Variants in ROBO1 observed in about 807,000 individuals in gnomAD.
ROBO1 encodes roundabout homolog 1.
Under a neutral mutation model 195.9 loss-of-function variants are expected in ROBO1, and 149 were observed. That is an observed-to-expected ratio of 0.76 (90% CI 0.67 to 0.87). The LOEUF (loss-of-function observed/expected upper bound fraction) is 0.87. Ranked by LOEUF, ROBO1 falls within the 40% of genes least tolerant of loss-of-function variation. The pLI is 0.00. For missense variants in ROBO1, 1,933 were observed against 2,068.3 expected (o/e 0.93, Z 1.27); for synonymous variants, 816 against 733.2 (o/e 1.11, Z -1.82).
chr3:79,557,933 A>T (rs1942772422), intron 2 of ROBO1, among the ~76,000 whole-genome samples: 2 of 151,916 alleles, frequency 1.3e-5, no homozygotes, highest in African/African-American at 4.8e-5. Flanking sequence ...GAGCTCATAC[A>T]TTGAATCTAT....
chr3:79,087,244 T>C, intron 3 of ROBO1, among the ~76,000 whole-genome samples: 1 of 152,232 alleles, frequency 6.6e-6, no homozygotes, highest in Non-Finnish European at 1.5e-5. Flanking sequence ...TTTTCCTTAA[T>C]TTTAAGCATA....
At chr3:78,873,123 C>A (rs1251180798) in intron 4 of ROBO1, among the ~76,000 whole-genome samples, 2 of 152,020 alleles carry the variant, frequency 1.3e-5, no homozygotes, top group Non-Finnish European at 2.9e-5. Context: ...CTTTTCCCTC[C>A]CAAAAACAGT....
At chr3:79,076,351 C>A (rs1014714166) in intron 3 of ROBO1, among the ~76,000 whole-genome samples, 1 of 148,962 alleles carries the variant, frequency 6.7e-6, no homozygotes, top group African/African-American at 2.5e-5. Flanking sequence ...GAAGAAATTA[C>A]CATTAAATAC....
At chr3:79,502,310 A>G (rs551836735) in intron 2 of ROBO1, among the ~76,000 whole-genome samples, 1 of 152,176 alleles carries the variant, frequency 6.6e-6, no homozygotes, top group South Asian at 2.1e-4. Flanking sequence ...GGCCAGCGCG[A>G]GTTCCGGGTG....
At chr3:79,446,422 A>T (rs1397661225) in intron 2 of ROBO1, among the ~76,000 whole-genome samples, 1 of 152,200 alleles carries the variant, frequency 6.6e-6, no homozygotes, top group Non-Finnish European at 1.5e-5. Context: ...ATTTGAGGGC[A>T]CTTGACTTTG....
chr3:78,610,373 A>G (rs2107323022), intron 28 of ROBO1, among the ~76,000 whole-genome samples: 1 of 152,308 alleles, frequency 6.6e-6, no homozygotes, highest in South Asian at 2.1e-4. Flanking sequence ...CAAGTAGCCT[A>G]AAGCCAAGGG....
chr3:79,186,300 C>G (rs982426807), intron 2 of ROBO1, among the ~76,000 whole-genome samples: 1 of 151,592 alleles, frequency 6.6e-6, no homozygotes, highest in African/African-American at 2.4e-5. Context: ...TGTATATCTA[C>G]ACACACATGC....
At chr3:78,829,733 C>T (rs762519401) in intron 4 of ROBO1, among the ~76,000 whole-genome samples, 4 of 152,032 alleles carry the variant, frequency 2.6e-5, no homozygotes, top group Admixed American at 6.6e-5. Context: ...ATAAGAAAAG[C>T]GTTGTAGATA....
chr3:79,502,291 G>A (rs980358813), intron 2 of ROBO1, among the ~76,000 whole-genome samples: 1 of 152,142 alleles, frequency 6.6e-6, no homozygotes, highest in African/African-American at 2.4e-5. Context: ...GCTGCGCGCG[G>A]CGCTTGCGGG....
chr3:78,687,344 G>A (rs565378337), intron 9 of ROBO1, among the ~76,000 whole-genome samples: 2 of 152,022 alleles, frequency 1.3e-5, no homozygotes, highest in Admixed American at 1.3e-4. Context: ...GAATGTGTTA[G>A]AACCTACCAA....
chr3:79,471,991 G>A (rs1049570055), intron 2 of ROBO1, among the ~76,000 whole-genome samples: 6 of 151,958 alleles, frequency 3.9e-5, no homozygotes, highest in South Asian at 2.1e-4. Context: ...TGTAGATGAC[G>A]GGTTGATGGG....
At chr3:79,602,161 C>A (rs1420790424) in intron 1 of ROBO1, among the ~76,000 whole-genome samples, 1 of 151,884 alleles carries the variant, frequency 6.6e-6, no homozygotes, top group Non-Finnish European at 1.5e-5. Flanking sequence ...GTTTATGAAG[C>A]TACAGCAGCA....
chr3:79,115,261 C>T (rs1047653795), intron 3 of ROBO1, among the ~76,000 whole-genome samples: 13 of 152,082 alleles, frequency 8.5e-5, no homozygotes, highest in African/African-American at 3.1e-4. Flanking sequence ...TTGATTGATT[C>T]AGGGATAGTG....
At chr3:78,906,995 A>C (rs1576378530) in intron 4 of ROBO1, among the ~76,000 whole-genome samples, 1 of 152,092 alleles carries the variant, frequency 6.6e-6, no homozygotes, top group Admixed American at 6.6e-5. Context: ...AAATGTATGA[A>C]GACTATTCAG....
At chr3:79,129,265 G>C (rs766383296) in intron 2 of ROBO1, among the ~76,000 whole-genome samples, 21 of 151,940 alleles carry the variant, frequency 1.4e-4, no homozygotes, top group Non-Finnish European at 1.5e-4. Flanking sequence ...TTAGCATCTG[G>C]GGTTAAAACT....
At chr3:79,457,049 G>A (rs1031303767) in intron 2 of ROBO1, among the ~76,000 whole-genome samples, 15 of 152,024 alleles carry the variant, frequency 9.9e-5, no homozygotes, top group Non-Finnish European at 2.9e-5. Context: ...ATTTAATACT[G>A]GACACTTAAA....
intron 3 of ROBO1, among the ~76,000 whole-genome samples, chr3:79,023,274 T>C (rs1031457423): frequency 2.0e-5 from 3 of 152,206 alleles, no homozygotes; most frequent in African/African-American, 7.2e-5. Flanking sequence ...TGCGTGATCC[T>C]TGGTATTTAA....
chr3:79,046,850 C>A (rs912194674), intron 3 of ROBO1, among the ~76,000 whole-genome samples: 2 of 152,140 alleles, frequency 1.3e-5, no homozygotes, highest in African/African-American at 2.4e-5. Flanking sequence ...TCAATCCAAT[C>A]AACTTGACAC....
At chr3:79,535,143 T>C (rs1457408280) in intron 2 of ROBO1, among the ~76,000 whole-genome samples, 1 of 152,188 alleles carries the variant, frequency 6.6e-6, no homozygotes, top group Non-Finnish European at 1.5e-5. Context: ...GAGTCTTCAA[T>C]TCTGATTCAA....
Sources: gnomAD v4.1 joint callset for allele counts (sites outside exome capture counted in the v4.1 genomes callset) on GRCh38, gnomAD v4.1.1 for gene constraint, MANE v1.5 for transcripts, NCBI Gene and HGNC (gene_info 2026-07-23, HGNC 2026-07-21) for gene names.